NCOR1: variants seen among roughly 807,000 people sequenced by gnomAD.
NCOR1 encodes protein phosphatase 1, regulatory subunit 109.
Under a neutral mutation model 288.1 loss-of-function variants are expected in NCOR1, and 63 were observed. The observed-to-expected ratio is 0.22, with a 90% CI of 0.18 to 0.27. The LOEUF (loss-of-function observed/expected upper bound fraction) is 0.27, where lower values mean the gene tolerates loss of function less well. NCOR1 is among the 10% of genes least tolerant of loss of function. The pLI is 1.00. For synonymous variants in NCOR1, 1,007 were observed against 1,065.9 expected (o/e 0.94, Z 1.08); for missense variants, 2,397 against 3,019.2 (o/e 0.79, Z 4.83).
In NCOR1 at chr17:16,124,446, GA is replaced by G. The variant is rs563440824; in HGVS notation, c.1634+1635del. ...CATATGGGAACCGTTTGGGGTGATG[GA>G]AACATTCTACATCACAATTGTGATA... is the stretch of plus-strand genomic sequence containing the variant. On this transcript the variant is annotated intron_variant, in intron 15 of 45. Transcript: ENST00000268712. Among the ~76,000 whole-genome samples, 26 of 152,316 alleles carry G rather than the reference GA, an allele frequency of 1.7e-4. No homozygotes were observed. The South Asian group carries it at 5.4e-3, about 32-fold the overall frequency.
chr17:16,213,176 G>C (rs1179284269), intron 1 of NCOR1, among the ~76,000 whole-genome samples: 2 of 151,336 alleles, frequency 1.3e-5, no homozygotes, highest in Non-Finnish European at 2.9e-5. Context: ...AAATTTTACT[G>C]TTTTTTAAAT....
At chr17:16,111,721 C>T (rs2070252505) in intron 18 of NCOR1, among the ~76,000 whole-genome samples, 1 of 152,094 alleles carries the variant, frequency 6.6e-6, no homozygotes, top group African/African-American at 2.4e-5. Flanking sequence ...CAGCCTACTC[C>T]ATTAGACACT....
chr17:16,071,192 C>T (rs922983000), intron 30 of NCOR1, among the ~76,000 whole-genome samples: 5 of 151,520 alleles, frequency 3.3e-5, no homozygotes, highest in African/African-American at 7.3e-5. Context: ...GTGGGAGGAT[C>T]GCTTGAGCCC....
intron 34 of NCOR1, 71 bp downstream of exon 34, chr17:16,064,799 T>A: frequency 7.1e-7 from 1 of 1,415,772 alleles, no homozygotes; most frequent in Non-Finnish European, 9.4e-7. Context: ...CCAAGATACC[T>A]TAAAAGGCTA....
Position 16,080,680 on chromosome 17 carries a change from A to C in NCOR1, c.3225T>G (p.Thr1075=), listed in dbSNP as rs1171128719. 1.2e-6 allele frequency: 2 copies of C among 1,613,928 alleles called. No individual in the cohort carries two copies. Among genetic ancestry groups the C allele is most frequent in the Non-Finnish European group, 1.7e-6 (2 of 1,179,964 alleles). Residue 1075 remains threonine, a synonymous_variant, in exon 24 of 46, where the codon ACT becomes ACG. Coordinates refer to ENST00000268712, the MANE Select transcript of NCOR1 (RefSeq NM_006311.4). ...YLTSHNQASY[T]QETPKPSVGS... is the part of the protein sequence containing the mutation. ...CCACTGACGGCTTGGGTGTTTCTTGAGTGTAGGAAGCCTGATTATGAGAAG... is the reference window on the plus strand; with the variant it reads ...CCACTGACGGCTTGGGTGTTTCTTGCGTGTAGGAAGCCTGATTATGAGAAG...
intron 23 of NCOR1, among the ~76,000 whole-genome samples, chr17:16,083,668 AGTT>A (rs2063758373): frequency 6.6e-6 from 1 of 151,794 alleles, no homozygotes; most frequent in African/African-American, 2.4e-5. Context: ...CTCGTAAAAT[AGTT>A]CCCTATGCTC....
At chr17:16,053,417 A>T (rs1424656955) in intron 40 of NCOR1, among the ~76,000 whole-genome samples, 1 of 152,212 alleles carries the variant, frequency 6.6e-6, no homozygotes, top group Non-Finnish European at 1.5e-5. Flanking sequence ...CAAGAGCCAA[A>T]TAAGGAATGC....
intron 45 of NCOR1, among the ~76,000 whole-genome samples, chr17:16,033,668 G>T (rs1375309124): frequency 6.6e-6 from 1 of 151,246 alleles, no homozygotes; most frequent in African/African-American, 2.4e-5. Context: ...AAAGTCTGTT[G>T]CTTTTTAAAG....
chr17:16,160,594 C>G (rs1017943059), intron 5 of NCOR1, among the ~76,000 whole-genome samples: 2 of 152,186 alleles, frequency 1.3e-5, no homozygotes, highest in African/African-American at 4.8e-5. Flanking sequence ...AGTTCAAGAC[C>G]AGCCTAGCCA....
rs377297385 is a variant in NCOR1 at position 16,094,955 on chromosome 17, T to C, written c.2821-2897A>G. Among the ~76,000 whole-genome samples, 1,153 of 152,288 alleles carry C rather than the reference T, an allele frequency of 7.6e-3. 18 individuals carry two copies. The highest frequency in any genetic ancestry group is 0.049 in the East Asian group (254 of 5,168). The stretch of plus-strand genomic sequence containing the variant: ...AGCCGCCTGCCTTGGCCCCCCAAAG[T>C]GCAGAGATTGCAGCCTCTGCCCGGC... On this transcript the variant is annotated intron_variant, in intron 21 of 45. Coordinates refer to ENST00000268712, the MANE Select transcript of NCOR1 (RefSeq NM_006311.4).
chr17:16,173,584 C>A (rs178837), intron 3 of NCOR1, among the ~76,000 whole-genome samples: 58,690 of 151,794 alleles, frequency 0.39, 13,650 homozygotes, highest in Middle Eastern at 0.52. Context: ...ACACAAAACT[C>A]AGTTGTATTC....
At chr17:16,133,355 A>G (rs1477434424) in intron 14 of NCOR1, among the ~76,000 whole-genome samples, 1 of 152,220 alleles carries the variant, frequency 6.6e-6, no homozygotes, top group African/African-American at 2.4e-5. Context: ...AATCAAACTC[A>G]TATTGACAGG....
At chr17:16,149,031 C>T (rs2078454631) in intron 9 of NCOR1, among the ~76,000 whole-genome samples, 1 of 151,670 alleles carries the variant, frequency 6.6e-6, no homozygotes, top group Admixed American at 6.6e-5. Context: ...TATGGAAAAC[C>T]ATTTGAATTT....
At chr17:16,054,353 T>C (rs1254294861) in intron 40 of NCOR1, among the ~76,000 whole-genome samples, 1 of 151,492 alleles carries the variant, frequency 6.6e-6, no homozygotes, top group Non-Finnish European at 1.5e-5. Flanking sequence ...TAAACAAATT[T>C]ACAAGAAAAA....
intron 44 of NCOR1, 98 bp downstream of exon 44, chr17:16,039,335 G>T: frequency 8.5e-7 from 1 of 1,182,486 alleles, no homozygotes; most frequent in Non-Finnish European, 1.2e-6. Context: ...AGCACATAAA[G>T]ACATAAATGA....
At chr17:16,092,713 TTTTA>T in intron 21 of NCOR1, among the ~76,000 whole-genome samples, 1 of 93,984 alleles carries the variant, frequency 1.1e-5, no homozygotes, top group Admixed American at 1.2e-4. Context: ...TTTTTTTTTT[TTTTA>T]AGACATAGTC....
intron 3 of NCOR1, among the ~76,000 whole-genome samples, chr17:16,178,804 GTATTA>G (rs1437434915): frequency 6.6e-6 from 1 of 152,058 alleles, no homozygotes; most frequent in Non-Finnish European, 1.5e-5. Flanking sequence ...ACCAAGAAAT[GTATTA>G]TATAATAATT....
chr17:16,187,070 C>T (rs986875406), intron 2 of NCOR1, among the ~76,000 whole-genome samples: 1 of 152,084 alleles, frequency 6.6e-6, no homozygotes, highest in Non-Finnish European at 1.5e-5. Context: ...CTAATCAAAT[C>T]CATCCACACT....
At chr17:16,128,335 T>G (rs1384783009) in intron 14 of NCOR1, among the ~76,000 whole-genome samples, 1 of 152,200 alleles carries the variant, frequency 6.6e-6, no homozygotes, top group African/African-American at 2.4e-5. Context: ...AAGCCTCTCT[T>G]GATTTCCACA....
Sources: allele counts gnomAD v4.1 joint callset (sites outside exome capture counted in the v4.1 genomes callset), GRCh38; gene constraint gnomAD v4.1.1; transcripts MANE v1.5; gene names NCBI Gene and HGNC (gene_info 2026-07-23, HGNC 2026-07-21).